Variants in RGS7BP observed in about 807,000 individuals in gnomAD.
The protein encoded by RGS7BP is regulator of G protein signaling 7-binding protein.
RGS7BP carries 9 observed loss-of-function variants against 31.3 expected under a neutral mutation model. That is an observed-to-expected ratio of 0.29 (90% confidence interval 0.17 to 0.50). The LOEUF (loss-of-function observed/expected upper bound fraction) is 0.50, where lower values mean the gene tolerates loss of function less well. Ranked by LOEUF, RGS7BP falls within the 20% of genes least tolerant of loss-of-function variation. The probability of loss-of-function intolerance (pLI) is 0.98; values close to 1 mark genes in which losing one functional copy is unlikely to be tolerated. For synonymous variants in RGS7BP, 115 were observed against 120.1 expected, an observed-to-expected ratio of 0.96 and a Z score of 0.28; for missense variants, 274 against 322.0, an observed-to-expected ratio of 0.85 and a Z score of 1.14.
chr5:64,527,416 A>G (rs1749257085), intron 2 of RGS7BP, among the ~76,000 whole-genome samples: 1 of 152,198 alleles, frequency 6.6e-6, no homozygotes, highest in African/African-American at 2.4e-5. Flanking sequence ...GTAGGGATTG[A>G]GAACTACTGG....
At chr5:64,557,974 A>G (rs528981138) in intron 2 of RGS7BP, among the ~76,000 whole-genome samples, 27 of 152,146 alleles carry the variant, frequency 1.8e-4, no homozygotes, top group Non-Finnish European at 2.8e-4. Flanking sequence ...AACCTTGCAC[A>G]GTAAAACCTG....
intron 2 of RGS7BP, among the ~76,000 whole-genome samples, chr5:64,571,753 G>A (rs1402757381): frequency 1.3e-5 from 2 of 152,110 alleles, no homozygotes; most frequent in Non-Finnish European, 2.9e-5. Flanking sequence ...GTTTTCCTAA[G>A]CTATATGATT....
intron 2 of RGS7BP, among the ~76,000 whole-genome samples, chr5:64,550,118 C>G (rs1173784275): frequency 6.6e-6 from 1 of 152,216 alleles, no homozygotes; most frequent in Non-Finnish European, 1.5e-5. Context: ...TGAAACTCTT[C>G]CAGCCTCTAC....
Position 64,612,084 on chromosome 5 carries a change from A to G in RGS7BP, c.*2832A>G, listed in dbSNP as rs954382150. ...ACCATATCTTTACTATCCTGTGTTG[A>G]TTTTTTTTTCAAATTACAAAGACAA... On this transcript the variant is annotated 3_prime_UTR_variant, in exon 6 of 6. Coordinates refer to ENST00000334025, the MANE Select transcript of RGS7BP (RefSeq NM_001029875.3). 6.6e-6 allele frequency: 1 copy of G among 151,416 alleles called. No homozygotes were observed. The highest frequency in any genetic ancestry group is 2.4e-5 in the African/African-American group (1 of 41,066). The allele number at this position is 151,416 out of a possible 1,614,324, so 9.4% of individuals were successfully genotyped here.
At chr5:64,550,566 C>A (rs113323049) in intron 2 of RGS7BP, among the ~76,000 whole-genome samples, 3,383 of 150,890 alleles carry the variant, frequency 0.022, 152 homozygotes, top group African/African-American at 0.077. Flanking sequence ...CTTTGTAAAA[C>A]AAATGCATTT....
intron 2 of RGS7BP, among the ~76,000 whole-genome samples, chr5:64,516,842 G>C (rs1429003532): frequency 1.3e-5 from 2 of 152,126 alleles, no homozygotes; most frequent in African/African-American, 2.4e-5. Flanking sequence ...GCTGATGCTT[G>C]AGTTCCATCC....
chr5:64,552,934 A>G (rs1324726028), intron 2 of RGS7BP, among the ~76,000 whole-genome samples: 1 of 152,138 alleles, frequency 6.6e-6, no homozygotes, highest in Non-Finnish European at 1.5e-5. Flanking sequence ...GTGCTGTCCA[A>G]AAGAAAATAA....
At chr5:64,607,968 C>T (rs758059417) in intron 5 of RGS7BP, among the ~76,000 whole-genome samples, 30 of 152,004 alleles carry the variant, frequency 2.0e-4, no homozygotes, top group African/African-American at 6.5e-4. Context: ...AGGTGGGGCA[C>T]ATTCTTCACT....
chr5:64,534,738 T>G (rs947600801), intron 2 of RGS7BP, among the ~76,000 whole-genome samples: 1 of 152,204 alleles, frequency 6.6e-6, no homozygotes, highest in Non-Finnish European at 1.5e-5. Context: ...TAAAAGATAA[T>G]GTCCATTAGG....
chr5:64,591,379 C>T (rs944009865), intron 3 of RGS7BP, among the ~76,000 whole-genome samples: 1 of 151,916 alleles, frequency 6.6e-6, no homozygotes, highest in African/African-American at 2.4e-5. Flanking sequence ...AGAAGTTTAA[C>T]CTCGGTAGTA....
chr5:64,558,734 A>G (rs1741982844), intron 2 of RGS7BP, among the ~76,000 whole-genome samples: 1 of 152,184 alleles, frequency 6.6e-6, no homozygotes, highest in South Asian at 2.1e-4. Context: ...TAAGAGAAAT[A>G]TCACTGAATT....
intron 5 of RGS7BP, among the ~76,000 whole-genome samples, chr5:64,600,518 A>G (rs1220599793): frequency 6.6e-6 from 1 of 152,222 alleles, no homozygotes; most frequent in Non-Finnish European, 1.5e-5. Context: ...AAATGTAATA[A>G]TAATAATCAA....
At chr5:64,526,887 C>T (rs1176419231) in intron 2 of RGS7BP, among the ~76,000 whole-genome samples, 1 of 152,194 alleles carries the variant, frequency 6.6e-6, no homozygotes, top group Non-Finnish European at 1.5e-5. Context: ...CTGAGATACT[C>T]AAGCTGCAGC....
At chr5:64,510,156 G>A (rs147140036) in intron 2 of RGS7BP, among the ~76,000 whole-genome samples, 23 of 152,262 alleles carry the variant, frequency 1.5e-4, no homozygotes, top group Admixed American at 4.6e-4. Context: ...GATTTCTTGC[G>A]CGCCCACTAT....
chr5:64,540,200 A>G (rs1741492812), intron 2 of RGS7BP, among the ~76,000 whole-genome samples: 1 of 152,198 alleles, frequency 6.6e-6, no homozygotes, highest in African/African-American at 2.4e-5. Flanking sequence ...TATTGCAGAA[A>G]GTTTAGAAAT....
At chr5:64,512,803 G>T (rs1242756585) in intron 2 of RGS7BP, among the ~76,000 whole-genome samples, 1 of 152,058 alleles carries the variant, frequency 6.6e-6, no homozygotes, top group Non-Finnish European at 1.5e-5. Flanking sequence ...CTATCAAAAA[G>T]CCTGTTCTGA....
At chr5:64,515,834 A>AATT (rs1003818815) in intron 2 of RGS7BP, among the ~76,000 whole-genome samples, 1 of 150,838 alleles carries the variant, frequency 6.6e-6, no homozygotes. Context: ...AAATAATAAT[A>AATT]ATTATTATTA....
intron 2 of RGS7BP, among the ~76,000 whole-genome samples, chr5:64,527,264 G>A (rs761940084): frequency 4.6e-5 from 7 of 152,170 alleles, no homozygotes; most frequent in Non-Finnish European, 7.3e-5. Flanking sequence ...TCCTAATCCT[G>A]CAGCAAATTA....
chr5:64,565,061 T>C (rs1742137768), intron 2 of RGS7BP, among the ~76,000 whole-genome samples: 1 of 152,122 alleles, frequency 6.6e-6, no homozygotes, highest in Non-Finnish European at 1.5e-5. Flanking sequence ...CAAACTATTA[T>C]GAGTAAAGAA....
Sources: allele counts gnomAD v4.1 joint callset (sites outside exome capture counted in the v4.1 genomes callset), GRCh38; gene constraint gnomAD v4.1.1; transcripts MANE v1.5; gene names NCBI Gene and HGNC (gene_info 2026-07-23, HGNC 2026-07-21).